Variants in NAALADL2 observed in about 807,000 individuals in gnomAD.
NAALADL2 encodes the protein N-acetylated alpha-linked acidic dipeptidase like 2, also known as inactive N-acetylated-alpha-linked acidic dipeptidase-like protein 2.
A neutral mutation model predicts 87.2 loss-of-function variants in NAALADL2; 76 were observed. The ratio of observed to expected loss-of-function variants is 0.87; its 90% CI spans 0.72 to 1.05. The LOEUF is 1.05. NAALADL2 is among the 50% of genes least tolerant of loss of function. NAALADL2 has a pLI of 0.00. For missense variants in NAALADL2, 1,089 were observed against 945.8 expected, an observed-to-expected ratio of 1.15 and a Z score of -1.99; for synonymous variants, 354 against 331.0, an observed-to-expected ratio of 1.07 and a Z score of -0.75.
At chr3:174,443,437 C>A (rs1018538283) in intron 1 of NAALADL2, among the ~76,000 whole-genome samples, 5 of 152,106 alleles carry the variant, frequency 3.3e-5, no homozygotes, top group African/African-American at 9.7e-5. Context: ...ATAAGAGTTT[C>A]TGTTAACTGA....
chr3:175,341,941 A>G (rs1762605025), intron 5 of NAALADL2, among the ~76,000 whole-genome samples: 1 of 151,898 alleles, frequency 6.6e-6, no homozygotes, highest in African/African-American at 2.4e-5. Flanking sequence ...TTTCCCATTG[A>G]CTCTCTTGGC....
intron 3 of NAALADL2, among the ~76,000 whole-genome samples, chr3:174,755,275 G>A (rs1711890316): frequency 6.6e-6 from 1 of 152,068 alleles, no homozygotes; most frequent in African/African-American, 2.4e-5. Flanking sequence ...GCCATGCTGA[G>A]CTGAGTCAAC....
chr3:174,606,455 C>A (rs1177719621), intron 2 of NAALADL2, among the ~76,000 whole-genome samples: 2 of 151,952 alleles, frequency 1.3e-5, no homozygotes, highest in Non-Finnish European at 2.9e-5. Context: ...CTAGAATAAC[C>A]AATATAGAGA....
At chr3:175,365,847 T>A (rs1218391753) in intron 5 of NAALADL2, among the ~76,000 whole-genome samples, 2 of 147,626 alleles carry the variant, frequency 1.4e-5, no homozygotes, top group Admixed American at 6.9e-5. Flanking sequence ...ACATTTTTTT[T>A]AAGCATCTGA....
At chr3:175,697,944 T>C (rs1262400961) in intron 11 of NAALADL2, among the ~76,000 whole-genome samples, 25 of 2,452 alleles carry the variant, frequency 0.01, no homozygotes, top group African/African-American at 0.046. Flanking sequence ...TATATGTGTA[T>C]ATATGTATGT....
chr3:174,478,779 T>C (rs1395655401), intron 1 of NAALADL2, among the ~76,000 whole-genome samples: 5 of 152,204 alleles, frequency 3.3e-5, no homozygotes, highest in Admixed American at 1.3e-4. Flanking sequence ...TGGCAGGATC[T>C]TGGCTCACTT....
chr3:175,580,118 C>T (rs1719540526), intron 10 of NAALADL2, among the ~76,000 whole-genome samples: 1 of 151,974 alleles, frequency 6.6e-6, no homozygotes, highest in African/African-American at 2.4e-5. Flanking sequence ...TTTAATAACC[C>T]AGGGACAGAA....
intron 1 of NAALADL2, among the ~76,000 whole-genome samples, chr3:174,888,850 G>T (rs1028810350): frequency 1.1e-4 from 16 of 152,142 alleles, no homozygotes; most frequent in African/African-American, 3.9e-4. Context: ...CAAAATATTT[G>T]CTTGGTTAAC....
intron 1 of NAALADL2, among the ~76,000 whole-genome samples, chr3:174,933,129 T>C (rs73047055): frequency 0.029 from 4,446 of 152,076 alleles, 202 homozygotes; most frequent in African/African-American, 0.095. Flanking sequence ...AAAAGAAAAA[T>C]TGTAATAGAA....
chr3:175,614,595 T>G (rs1196006147), intron 10 of NAALADL2, among the ~76,000 whole-genome samples: 1 of 152,224 alleles, frequency 6.6e-6, no homozygotes, highest in African/African-American at 2.4e-5. Flanking sequence ...TGTGTAGCTA[T>G]TATATCTATA....
intron 9 of NAALADL2, among the ~76,000 whole-genome samples, chr3:175,521,156 T>C (rs542638032): frequency 6.6e-6 from 1 of 151,812 alleles, no homozygotes; most frequent in Non-Finnish European, 1.5e-5. Context: ...TGATGAAATA[T>C]CTACAGAGAC....
intron 9 of NAALADL2, among the ~76,000 whole-genome samples, chr3:175,490,288 C>G (rs1727869057): frequency 6.6e-6 from 1 of 152,164 alleles, no homozygotes; most frequent in Admixed American, 6.6e-5. Context: ...TTCTTGCCCA[C>G]TTTAGAGTTT....
intron 5 of NAALADL2, among the ~76,000 whole-genome samples, chr3:175,377,793 G>C (rs1311354309): frequency 1.3e-5 from 2 of 152,198 alleles, no homozygotes; most frequent in Non-Finnish European, 2.9e-5. Flanking sequence ...GAAAGAAGCA[G>C]CTTGACTTCA....
At chr3:174,553,927 G>A (rs1283800635) in intron 2 of NAALADL2, among the ~76,000 whole-genome samples, 1 of 152,060 alleles carries the variant, frequency 6.6e-6, no homozygotes, top group African/African-American at 2.4e-5. Context: ...CTATCTTGAA[G>A]CATAATATAA....
At chr3:175,161,441 A>G (rs1733196464) in intron 2 of NAALADL2, among the ~76,000 whole-genome samples, 1 of 152,178 alleles carries the variant, frequency 6.6e-6, no homozygotes, top group African/African-American at 2.4e-5. Flanking sequence ...GGAATGCTGT[A>G]AAGCTATGCC....
chr3:175,586,332 C>T (rs555887794), intron 10 of NAALADL2, among the ~76,000 whole-genome samples: 17 of 152,216 alleles, frequency 1.1e-4, no homozygotes, highest in East Asian at 3.9e-4. Context: ...TTGAGGTCAA[C>T]GCTACTTGGC....
At chr3:175,433,828 A>G (rs1307816676) in intron 5 of NAALADL2, among the ~76,000 whole-genome samples, 2 of 152,060 alleles carry the variant, frequency 1.3e-5, no homozygotes, top group South Asian at 2.1e-4. Context: ...TCTCATATAT[A>G]TAAATTCAGA....
intron 1 of NAALADL2, among the ~76,000 whole-genome samples, chr3:174,986,118 T>C (rs989510165): frequency 2.6e-5 from 4 of 151,740 alleles, no homozygotes; most frequent in Admixed American, 6.6e-5. Flanking sequence ...CTTAGCAGGT[T>C]ATATATCAAC....
intron 13 of NAALADL2, chr3:175,773,518 T>C (rs1248313835): frequency 1.3e-5 from 2 of 152,168 alleles, no homozygotes; most frequent in Admixed American, 1.3e-4. Flanking sequence ...TTTAAGGTTA[T>C]TTTAATTTGA....
Sources: allele counts gnomAD v4.1 joint callset (sites outside exome capture counted in the v4.1 genomes callset), GRCh38; gene constraint gnomAD v4.1.1; transcripts MANE v1.5; gene names NCBI Gene and HGNC (gene_info 2026-07-23, HGNC 2026-07-21).